LINGO2: variants seen among roughly 807,000 people sequenced by gnomAD.
The protein encoded by LINGO2 is leucine-rich repeat and immunoglobulin-like domain-containing nogo receptor-interacting protein 2.
In LINGO2, 14 loss-of-function variants were observed where a neutral mutation model predicts 30.6. The ratio of observed to expected loss-of-function variants is 0.46; its 90% CI spans 0.30 to 0.72. The LOEUF (loss-of-function observed/expected upper bound fraction) is 0.72, where lower values mean the gene tolerates loss of function less well. Among genes scored for constraint, LINGO2 ranks in the 30% least tolerant of loss-of-function variants. The pLI, the probability that LINGO2 is intolerant of heterozygous loss-of-function variation, is 0.07. For synonymous variants in LINGO2, 317 were observed against 288.5 expected, an observed-to-expected ratio of 1.10 and a Z score of -1.00; for missense variants, 729 against 751.7, an observed-to-expected ratio of 0.97 and a Z score of 0.35.
At chr9:28,600,780 G>A (rs564413571) in intron 1 of LINGO2, among the ~76,000 whole-genome samples, 21 of 152,028 alleles carry the variant, frequency 1.4e-4, no homozygotes, top group Non-Finnish European at 2.5e-4. Context: ...ATAGAGGCAC[G>A]AGAATAGCCT....
the LINGO2 span, among the ~76,000 whole-genome samples, chr9:28,967,979 A>G: frequency 5.8e-4 from 89 of 152,320 alleles, no homozygotes; most frequent in African/African-American, 2.0e-3. Context: ...CAAATAACAT[A>G]CATATATTAA....
chr9:28,293,662 A>G (rs1174791391), intron 4 of LINGO2, among the ~76,000 whole-genome samples: 1 of 152,114 alleles, frequency 6.6e-6, no homozygotes, highest in East Asian at 1.9e-4. Context: ...TGGTTGTAGT[A>G]CTAAGAGAGG....
At chr9:28,059,065 T>C (rs1197259732) in intron 4 of LINGO2, among the ~76,000 whole-genome samples, 1 of 152,130 alleles carries the variant, frequency 6.6e-6, no homozygotes, top group Non-Finnish European at 1.5e-5. Flanking sequence ...GTTAGGCTGT[T>C]GGGAAAAAGC....
chr9:28,554,083 G>A (rs1022879258), intron 1 of LINGO2, among the ~76,000 whole-genome samples: 1 of 151,978 alleles, frequency 6.6e-6, no homozygotes, highest in Admixed American at 6.6e-5. Context: ...GGAAGAAACT[G>A]CATCAACTAA....
intron 4 of LINGO2, among the ~76,000 whole-genome samples, chr9:28,229,806 A>G (rs2133931690): frequency 6.6e-6 from 1 of 152,016 alleles, no homozygotes; most frequent in Middle Eastern, 3.4e-3. Flanking sequence ...TAAACGCTGA[A>G]CTTTGTTCCC....
chr9:28,804,374 T>G, the LINGO2 span, among the ~76,000 whole-genome samples: 1 of 152,048 alleles, frequency 6.6e-6, no homozygotes, highest in Non-Finnish European at 1.5e-5. Flanking sequence ...TAGATGTTAA[T>G]TAGGTACTGT....
the LINGO2 span, among the ~76,000 whole-genome samples, chr9:28,790,523 A>T: frequency 6.7e-6 from 1 of 148,868 alleles, no homozygotes. Flanking sequence ...TTTAGTAGAG[A>T]CAGGATTTCA....
rs112075561 is a variant in LINGO2 at position 28,122,237 on chromosome 9, A to C, written c.-86-109832T>G. On this transcript the variant is annotated intron_variant, in intron 4 of 5. Transcript: ENST00000379992. ...TTACTAGTATCAAAAGCCATTAAAA[A>C]TAATTTTCAGGAAAGATAGACTCAA... Among the ~76,000 whole-genome samples, 936 of 152,324 alleles carry C rather than the reference A, an allele frequency of 6.1e-3. 15 individuals are homozygous for C. The highest frequency in any genetic ancestry group is 0.021 in the African/African-American group (881 of 41,566).
chr9:28,024,466 C>CA (rs1823280286), intron 4 of LINGO2, among the ~76,000 whole-genome samples: 2 of 152,160 alleles, frequency 1.3e-5, no homozygotes, highest in South Asian at 4.1e-4. Context: ...GGGGAACATT[C>CA]AGAACTGCTC....
At chr9:28,949,088 G>A in the LINGO2 span, among the ~76,000 whole-genome samples, 593 of 151,716 alleles carry the variant, frequency 3.9e-3, 3 homozygotes, top group African/African-American at 0.013. Context: ...TTGTTGTCTC[G>A]TAGCTGCAAA....
At chr9:28,779,089 C>A in the LINGO2 span, among the ~76,000 whole-genome samples, 1 of 152,092 alleles carries the variant, frequency 6.6e-6, no homozygotes, top group African/African-American at 2.4e-5. Context: ...CAAATGGCTG[C>A]CAGTGGCATC....
the LINGO2 span, among the ~76,000 whole-genome samples, chr9:28,935,472 G>T: frequency 6.6e-6 from 1 of 151,984 alleles, no homozygotes. Flanking sequence ...AAAAGTTAAG[G>T]CAATGTAATG....
chr9:28,821,623 C>T, the LINGO2 span, among the ~76,000 whole-genome samples: 1 of 152,170 alleles, frequency 6.6e-6, no homozygotes, highest in Non-Finnish European at 1.5e-5. Flanking sequence ...AGTTAGAGAA[C>T]AATAGGCCTG....
the LINGO2 span, among the ~76,000 whole-genome samples, chr9:28,778,204 T>A: frequency 6.6e-6 from 1 of 152,214 alleles, no homozygotes; most frequent in Admixed American, 6.5e-5. Context: ...TAATAGTATA[T>A]TTCCATGTTA....
intron 1 of LINGO2, among the ~76,000 whole-genome samples, chr9:28,597,099 T>G (rs1825221132): frequency 6.6e-6 from 1 of 152,186 alleles, no homozygotes; most frequent in Admixed American, 6.6e-5. Flanking sequence ...TTCACGGGGT[T>G]GAATTTACAG....
intron 4 of LINGO2, among the ~76,000 whole-genome samples, chr9:28,077,618 A>C (rs1364709295): frequency 6.7e-6 from 1 of 149,744 alleles, no homozygotes; most frequent in East Asian, 1.9e-4. Context: ...TATGAAGGCA[A>C]TTGCAATGCA....
chr9:28,819,582 T>A, the LINGO2 span, among the ~76,000 whole-genome samples: 5 of 152,190 alleles, frequency 3.3e-5, no homozygotes, highest in Non-Finnish European at 7.3e-5. Context: ...CTGGAGTGTC[T>A]ACCAGAGTTC....
At chr9:28,205,671 G>C (rs552857954) in intron 4 of LINGO2, among the ~76,000 whole-genome samples, 5 of 152,088 alleles carry the variant, frequency 3.3e-5, no homozygotes, top group Admixed American at 6.6e-5. Context: ...GATCTGACCA[G>C]GTAGAAAATC....
intron 3 of LINGO2, among the ~76,000 whole-genome samples, chr9:28,320,833 TG>T (rs745872140): frequency 5.3e-4 from 81 of 152,168 alleles, no homozygotes; most frequent in Admixed American, 2.0e-4. Context: ...GTTTCCTTCT[TG>T]ACGTTAAGAA....
Sources: gnomAD v4.1 joint callset for allele counts (sites outside exome capture counted in the v4.1 genomes callset) on GRCh38, gnomAD v4.1.1 for gene constraint, MANE v1.5 for transcripts, NCBI Gene and HGNC (gene_info 2026-07-23, HGNC 2026-07-21) for gene names.